Variants in NELL2 observed in about 807,000 individuals in gnomAD.
The protein encoded by NELL2 is neural EGFL like 2.
Under a neutral mutation model 109.6 loss-of-function variants are expected in NELL2, and 41 were observed. The ratio of observed to expected loss-of-function variants is 0.37; its 90% CI spans 0.29 to 0.49. The LOEUF is 0.49. Among genes scored for constraint, NELL2 ranks in the 20% least tolerant of loss-of-function variants. The pLI is 0.98. For synonymous variants in NELL2, 355 were observed against 344.7 expected, an observed-to-expected ratio of 1.03 and a Z score of -0.33; for missense variants, 900 against 1,008.3, an observed-to-expected ratio of 0.89 and a Z score of 1.45.
chr12:44,913,964 T>C (rs1309846757), upstream of NELL2: 1 of 358,402 alleles, frequency 2.8e-6, no homozygotes, highest in East Asian at 7.9e-5. Context: ...GTCATTTCTC[T>C]CACATCCCAC....
intron 2 of NELL2, among the ~76,000 whole-genome samples, chr12:44,846,778 T>TTTA (rs2136765172): frequency 6.6e-6 from 1 of 152,358 alleles, no homozygotes; most frequent in Admixed American, 6.5e-5. Context: ...TACTTGCCAA[T>TTTA]TTATTAAGTT....
chr12:44,780,088 T>C (rs1941900270), intron 3 of NELL2, 66 bp from the exon 4 acceptor site: 2 of 1,531,452 alleles, frequency 1.3e-6, no homozygotes, highest in Admixed American at 3.6e-5. Flanking sequence ...AAGTGATCTC[T>C]GTCTACGGGA....
chr12:44,667,795 A>C (rs978064954), intron 12 of NELL2, among the ~76,000 whole-genome samples: 1 of 152,212 alleles, frequency 6.6e-6, no homozygotes, highest in Non-Finnish European at 1.5e-5. Flanking sequence ...AGGAGGAACT[A>C]TCTATTGTGA....
At chr12:44,632,970 A>C (rs938871940) in intron 13 of NELL2, among the ~76,000 whole-genome samples, 2 of 152,084 alleles carry the variant, frequency 1.3e-5, no homozygotes, top group Non-Finnish European at 2.9e-5. Context: ...ACTGAAAATC[A>C]TGTATGGAAA....
chr12:44,609,014 G>A (rs1372543980), intron 14 of NELL2, among the ~76,000 whole-genome samples: 1 of 151,558 alleles, frequency 6.6e-6, no homozygotes. Context: ...TAATAAAATA[G>A]GTCAATTATG....
At chr12:44,592,010 G>T (rs995712001) in intron 15 of NELL2, among the ~76,000 whole-genome samples, 6 of 152,154 alleles carry the variant, frequency 3.9e-5, no homozygotes, top group Non-Finnish European at 8.8e-5. Flanking sequence ...GATACTTCTT[G>T]TTAGACAAAC....
Position 44,847,270 on chromosome 12 carries a change from A to G in NELL2, c.184+27955T>C, listed in dbSNP as rs917348796. ...ATTTGAACCCTCATTCTCGTGAAGT[A>G]AGGGTATTAGATTATTATCTGTCTT... On this transcript the variant is annotated intron_variant, in intron 2 of 19. Coordinates refer to ENST00000429094, the MANE Select transcript of NELL2 (RefSeq NM_001145108.2). 2.6e-5 allele frequency among the ~76,000 whole-genome samples: 4 copies of G among 152,216 alleles called. No homozygotes were observed. The South Asian group carries it at 6.2e-4, about 24-fold the overall frequency.
intron 15 of NELL2, among the ~76,000 whole-genome samples, chr12:44,566,263 A>G (rs1196291596): frequency 6.6e-6 from 1 of 152,192 alleles, no homozygotes; most frequent in Non-Finnish European, 1.5e-5. Context: ...AATTATTTTT[A>G]GAGAGTAGAT....
At chr12:44,898,910 T>C (rs529960666) in intron 1 of NELL2, among the ~76,000 whole-genome samples, 1 of 151,924 alleles carries the variant, frequency 6.6e-6, no homozygotes, top group Non-Finnish European at 1.5e-5. Flanking sequence ...GAGAAGAACA[T>C]AAATGACCTA....
At chr12:44,864,668 G>T (rs1352566976) in intron 2 of NELL2, among the ~76,000 whole-genome samples, 2 of 152,130 alleles carry the variant, frequency 1.3e-5, no homozygotes, top group Admixed American at 1.3e-4. Context: ...CATCCAGACG[G>T]AAAATCAATA....
At position 44,876,043 on chromosome 12, in the gene NELL2, C is replaced by T. The variant is rs1945309432; in HGVS notation, c.-174G>A. The T allele has an allele frequency of 6.8e-7, 1 of 1,475,408 alleles. No individual in the cohort carries two copies. Among genetic ancestry groups the T allele is most frequent in the Non-Finnish European group, 8.9e-7 (1 of 1,120,158 alleles). The allele number at this position is 1,475,408 out of a possible 1,614,324, so 91.4% of individuals were successfully genotyped here. On this transcript the variant is annotated 5_prime_UTR_variant, in exon 1 of 20. It introduces an in-frame stop codon into an upstream open reading frame of the 5' UTR. Transcript: ENST00000429094. ...CCTAAGAAAGAAAAGGGAGGCCTCC[C>T]CAGGCGCGTGAAGAACTTAGACCCT...
At chr12:44,535,263 A>G (rs1488444050) in intron 15 of NELL2, among the ~76,000 whole-genome samples, 2 of 151,980 alleles carry the variant, frequency 1.3e-5, no homozygotes, top group Non-Finnish European at 2.9e-5. Context: ...TTACCTTCCA[A>G]TAAACCTATT....
intron 15 of NELL2, among the ~76,000 whole-genome samples, chr12:44,556,288 A>G (rs1388118846): frequency 6.6e-6 from 1 of 152,222 alleles, no homozygotes; most frequent in African/African-American, 2.4e-5. Context: ...TCTCTGTTCC[A>G]GGAAAGCAGG....
At chr12:44,863,702 T>C (rs1381113160) in intron 2 of NELL2, among the ~76,000 whole-genome samples, 1 of 152,118 alleles carries the variant, frequency 6.6e-6, no homozygotes, top group Non-Finnish European at 1.5e-5. Flanking sequence ...ATTAGTAACA[T>C]GAAAACATCT....
intron 2 of NELL2, among the ~76,000 whole-genome samples, chr12:44,859,177 T>C (rs1025978950): frequency 6.6e-6 from 1 of 152,238 alleles, no homozygotes; most frequent in Non-Finnish European, 1.5e-5. Context: ...TTCCTTTCCC[T>C]ATTATATTGT....
intron 12 of NELL2, among the ~76,000 whole-genome samples, chr12:44,690,413 A>G (rs993096310): frequency 7.9e-5 from 12 of 152,188 alleles, no homozygotes; most frequent in African/African-American, 2.9e-4. Flanking sequence ...AGATCTTGTT[A>G]ACATGCAGGT....
chr12:44,605,650 G>A (rs931005025), intron 15 of NELL2, among the ~76,000 whole-genome samples: 18 of 152,040 alleles, frequency 1.2e-4, no homozygotes, highest in African/African-American at 3.6e-4. Context: ...GATTGTGCAC[G>A]GCCACTGTTC....
chr12:44,911,684 T>TA (rs140301829), intron 1 of NELL2, among the ~76,000 whole-genome samples: 3,088 of 151,864 alleles, frequency 0.02, 101 homozygotes, highest in East Asian at 0.17. Context: ...TCTAGGGAAA[T>TA]AAAAATGAGT....
intron 2 of NELL2, among the ~76,000 whole-genome samples, chr12:44,859,308 G>A (rs1422467921): frequency 5.3e-5 from 8 of 152,266 alleles, no homozygotes; most frequent in East Asian, 1.9e-4. Context: ...TTACAAGGCC[G>A]AGGCAGGCGG....
Sources: gnomAD v4.1 joint callset for allele counts (sites outside exome capture counted in the v4.1 genomes callset) on GRCh38, gnomAD v4.1.1 for gene constraint, MANE v1.5 for transcripts, NCBI Gene and HGNC (gene_info 2026-07-23, HGNC 2026-07-21) for gene names.